DLG2: variants seen among roughly 807,000 people sequenced by gnomAD.
The protein encoded by DLG2 is disks large homolog 2.
A neutral mutation model predicts 132.5 loss-of-function variants in DLG2; 45 were observed. The observed-to-expected ratio is 0.34, with a 90% CI of 0.27 to 0.44. The LOEUF is 0.44. Ranked by LOEUF, DLG2 falls within the 20% of genes least tolerant of loss-of-function variation. The pLI is 1.00. For missense variants in DLG2, 1,045 were observed against 1,196.9 expected (o/e 0.87, Z 1.87); for synonymous variants, 424 against 419.6 (o/e 1.01, Z -0.13).
intron 3 of DLG2, among the ~76,000 whole-genome samples, chr11:85,503,824 C>T (rs966702384): frequency 2.6e-5 from 4 of 151,964 alleles, no homozygotes; most frequent in Non-Finnish European, 5.9e-5. Context: ...CCCAGCTATT[C>T]AGGAGGCTGA....
chr11:83,904,719 G>T (rs2074300448), intron 15 of DLG2, among the ~76,000 whole-genome samples: 1 of 151,842 alleles, frequency 6.6e-6, no homozygotes, highest in South Asian at 2.1e-4. Context: ...GTAAAGACCA[G>T]GCAGGATTAC....
intron 6 of DLG2, among the ~76,000 whole-genome samples, chr11:84,700,531 G>C (rs1006052993): frequency 6.6e-6 from 1 of 151,606 alleles, no homozygotes; most frequent in South Asian, 2.1e-4. Context: ...TACAAAATCA[G>C]ATCTTATTCA....
At chr11:84,851,727 A>G (rs2082190311) in intron 6 of DLG2, among the ~76,000 whole-genome samples, 1 of 151,990 alleles carries the variant, frequency 6.6e-6, no homozygotes, top group South Asian at 2.1e-4. Context: ...ACACACATAT[A>G]TATTTTTTAA....
chr11:84,895,593 G>A (rs1016081677), intron 6 of DLG2, among the ~76,000 whole-genome samples: 2 of 152,080 alleles, frequency 1.3e-5, no homozygotes, highest in Non-Finnish European at 2.9e-5. Context: ...AATTTTGGGG[G>A]CAGTGAGAAG....
At chr11:84,901,663 G>A (rs185407244) in intron 6 of DLG2, among the ~76,000 whole-genome samples, 44 of 152,108 alleles carry the variant, frequency 2.9e-4, no homozygotes, top group African/African-American at 1.0e-3. Flanking sequence ...TTAATAATGT[G>A]TTTTAACAGC....
intron 9 of DLG2, among the ~76,000 whole-genome samples, chr11:84,112,322 C>CTTTTTTTTTTTTTTTT (rs60021668): frequency 8.4e-6 from 1 of 119,234 alleles, no homozygotes; most frequent in Admixed American, 9.0e-5. Context: ...TTTACTTTTC[C>CTTTTTTTTTTTTTTTT]TTTTTTTTTT....
At chr11:85,302,832 T>C (rs1477214229) in intron 3 of DLG2, among the ~76,000 whole-genome samples, 1 of 151,274 alleles carries the variant, frequency 6.6e-6, no homozygotes, top group Non-Finnish European at 1.5e-5. Flanking sequence ...ACAATCATAA[T>C]AAAGGCTTAC....
intron 18 of DLG2, among the ~76,000 whole-genome samples, chr11:83,635,575 A>G (rs1002633591): frequency 2.0e-5 from 3 of 152,132 alleles, no homozygotes; most frequent in African/African-American, 7.2e-5. Context: ...TGTGCCGGAT[A>G]TGTATGTGTG....
chr11:83,645,366 T>C (rs938120749), intron 18 of DLG2, among the ~76,000 whole-genome samples: 10 of 152,106 alleles, frequency 6.6e-5, no homozygotes, highest in African/African-American at 2.4e-4. Context: ...AAGCAATTTA[T>C]ACACTTTAAC....
In DLG2 at chr11:85,006,080, G is replaced by C. The variant is rs1052370585; in HGVS notation, c.357+105581C>G. Among the ~76,000 whole-genome samples, 8 of 152,282 alleles carry C rather than the reference G, an allele frequency of 5.3e-5. No homozygotes were observed. In the South Asian group the frequency reaches 1.7e-3, roughly 32 times the overall value. On this transcript the variant is annotated intron_variant, in intron 6 of 27. Transcript: ENST00000376104. ...TGCATCCCAGGGATGAAGCCAACTT[G>C]ATCTTGGTGGATAAGCTTTTTTATG...
At chr11:83,933,477 A>G (rs2154132708) in intron 14 of DLG2, among the ~76,000 whole-genome samples, 1 of 152,346 alleles carries the variant, frequency 6.6e-6, no homozygotes, top group African/African-American at 2.4e-5. Context: ...AGCCATCAGC[A>G]TTTATTTGCA....
intron 4 of DLG2, among the ~76,000 whole-genome samples, chr11:85,256,176 C>T (rs1000814021): frequency 2.0e-5 from 3 of 152,058 alleles, no homozygotes; most frequent in African/African-American, 7.2e-5. Context: ...ACCCCAAACC[C>T]CAGGTTCCAT....
intron 6 of DLG2, among the ~76,000 whole-genome samples, chr11:84,557,147 G>A (rs2099413568): frequency 1.3e-5 from 2 of 151,968 alleles, no homozygotes; most frequent in Admixed American, 1.3e-4. Context: ...CTTAATTTAG[G>A]TGTTGCTATG....
At chr11:84,349,302 A>C (rs570252520) in intron 7 of DLG2, among the ~76,000 whole-genome samples, 2 of 152,280 alleles carry the variant, frequency 1.3e-5, no homozygotes, top group East Asian at 3.9e-4. Context: ...CTAAAGCAGG[A>C]TGTACTATGG....
At chr11:84,506,220 C>T (rs1478526951) in intron 7 of DLG2, among the ~76,000 whole-genome samples, 2 of 151,092 alleles carry the variant, frequency 1.3e-5, no homozygotes, top group African/African-American at 2.4e-5. Context: ...GGACTACAGG[C>T]GCCCGCCACT....
intron 9 of DLG2, among the ~76,000 whole-genome samples, chr11:84,102,191 T>G (rs184459168): frequency 6.6e-6 from 1 of 152,130 alleles, no homozygotes; most frequent in Admixed American, 6.6e-5. Context: ...TTTTTGCAGG[T>G]TTTTATGCTT....
intron 11 of DLG2, among the ~76,000 whole-genome samples, chr11:84,043,330 GT>G: frequency 6.6e-6 from 1 of 151,592 alleles, no homozygotes; most frequent in South Asian, 2.1e-4. Context: ...ACAAATAACA[GT>G]TTTGATGAAG....
Position 84,574,887 on chromosome 11 carries a change from C to A in DLG2, c.358-40156G>T, listed in dbSNP as rs367587086. Among the ~76,000 whole-genome samples, 17 of 152,138 alleles carry A rather than the reference C, an allele frequency of 1.1e-4. No homozygotes were observed. In the East Asian group the frequency reaches 1.5e-3, roughly 14 times the overall value. ...CTGACTTTTCCCATTGCTTGTTTTT[C>A]TGCCATTAACCAGCATCTACCCAGC... On this transcript the variant is annotated intron_variant, in intron 6 of 27. Coordinates refer to ENST00000376104, the MANE Select transcript of DLG2 (RefSeq NM_001142699.3).
chr11:85,390,012 A>T (rs1451938581), intron 3 of DLG2, among the ~76,000 whole-genome samples: 1 of 152,192 alleles, frequency 6.6e-6, no homozygotes, highest in African/African-American at 2.4e-5. Context: ...ACATCTCCAT[A>T]CTAACACTGA....
Sources: allele counts gnomAD v4.1 joint callset (sites outside exome capture counted in the v4.1 genomes callset), GRCh38; gene constraint gnomAD v4.1.1; transcripts MANE v1.5; gene names NCBI Gene and HGNC (gene_info 2026-07-23, HGNC 2026-07-21).